ZNF185: variants seen among roughly 807,000 people sequenced by gnomAD.
ZNF185 encodes the protein zinc finger protein 185.
A neutral mutation model predicts 58.6 loss-of-function variants in ZNF185; 56 were observed. The observed-to-expected ratio is 0.95, with a 90% CI of 0.77 to 1.19. The LOEUF (loss-of-function observed/expected upper bound fraction) is 1.19. Ranked by LOEUF, ZNF185 falls within the 50% of genes most tolerant of loss-of-function variation. The probability of loss-of-function intolerance (pLI) is 0.00; values close to 1 mark genes in which losing one functional copy is unlikely to be tolerated. For missense variants in ZNF185, 627 were observed against 573.5 expected (o/e 1.09, Z -0.95); for synonymous variants, 230 against 215.9 (o/e 1.07, Z -0.57).
At chrX:152,918,889 T>G in intron 6 of ZNF185, 94 bp from the exon 8 acceptor site, 1 of 624,441 alleles carries the variant, frequency 1.6e-6, no homozygotes. Flanking sequence ...AAGGCAGAGA[T>G]ATTGACTTGC....
intron 15 of ZNF185, among the ~76,000 whole-genome samples, chrX:152,940,011 G>C (rs1486244306): frequency 1.8e-5 from 2 of 110,820 alleles, no homozygotes; most frequent in African/African-American, 6.6e-5. Flanking sequence ...TCAAACTCCT[G>C]ACATCAAGCC....
chrX:152,936,073 G>A (rs1182285067), intron 14 of ZNF185, among the ~76,000 whole-genome samples: 5 of 112,384 alleles, frequency 4.4e-5, no homozygotes, highest in African/African-American at 1.6e-4. Flanking sequence ...TGGCATCTAT[G>A]AACTCATTTA....
chrX:152,916,047 T>C (rs1556865558), intron 3 of ZNF185, among the ~76,000 whole-genome samples: 1 of 110,764 alleles, frequency 9.0e-6, no homozygotes, highest in Non-Finnish European at 1.9e-5. Flanking sequence ...GATGCAGGAG[T>C]GGTCAAGACA....
the ZNF185 span, among the ~76,000 whole-genome samples, chrX:152,900,025 C>T: frequency 8.9e-6 from 1 of 111,894 alleles, no homozygotes; most frequent in African/African-American, 3.3e-5. Context: ...TTGTCCACCT[C>T]ACTTCCTGCT....
intron 20 of ZNF185, among the ~76,000 whole-genome samples, chrX:152,969,170 A>G (rs782548493): frequency 8.9e-6 from 1 of 112,157 alleles, no homozygotes; most frequent in Non-Finnish European, 1.9e-5. Flanking sequence ...AAAAAGATGC[A>G]TGACTAGTTT....
chrX:152,920,607 C>T (rs1002061372), intron 8 of ZNF185, 100 bp from the exon 10 acceptor site: 4 of 1,091,303 alleles, frequency 3.7e-6, no homozygotes, highest in African/African-American at 3.6e-5. Flanking sequence ...AGTGAAGTGC[C>T]GGGAATGGAG....
At chrX:152,922,925 A>C in intron 11 of ZNF185, 116 bp downstream of exon 12, 1 of 618,676 alleles carries the variant, frequency 1.6e-6, no homozygotes, top group Non-Finnish European at 2.5e-6. Flanking sequence ...GGGCAAGGAC[A>C]GGCTGAGCAC....
chrX:152,926,211 G>A (rs373405302), intron 11 of ZNF185, among the ~76,000 whole-genome samples: 2 of 112,339 alleles, frequency 1.8e-5, no homozygotes, highest in East Asian at 2.8e-4. Context: ...CCTTGAGCAA[G>A]TCTCTTCATC....
intron 14 of ZNF185, 60 bp from the exon 16 acceptor site, chrX:152,936,358 G>A: frequency 9.9e-7 from 1 of 1,012,400 alleles, no homozygotes; most frequent in Non-Finnish European, 1.4e-6. Flanking sequence ...TTTCTCGGGA[G>A]AGGGTAGACA....
chrX:152,900,298 C>G, the ZNF185 span, among the ~76,000 whole-genome samples: 2 of 113,110 alleles, frequency 1.8e-5, no homozygotes, highest in African/African-American at 6.4e-5. Context: ...CCAATTCTGG[C>G]TCGGTGCATT....
exon 16 of ZNF185, chrX:152,945,401 C>A (rs1556894033): frequency 4.1e-6 from 5 of 1,205,837 alleles, no homozygotes; most frequent in Non-Finnish European, 5.6e-6. Context: ...CCCAGCACCC[C>A]AGAGCGGCAG....
intron 14 of ZNF185, among the ~76,000 whole-genome samples, chrX:152,934,514 C>T (rs1457599962): frequency 8.9e-6 from 1 of 112,151 alleles, no homozygotes; most frequent in Non-Finnish European, 1.9e-5. Context: ...GTTGTCTTAC[C>T]TATATAGTAG....
At chrX:152,955,522 T>C (rs1489803733) in intron 16 of ZNF185, among the ~76,000 whole-genome samples, 2 of 112,818 alleles carry the variant, frequency 1.8e-5, no homozygotes, top group Non-Finnish European at 3.7e-5. Context: ...ACATTTAGCA[T>C]GAGCAACTCC....
the ZNF185 span, among the ~76,000 whole-genome samples, chrX:152,898,563 T>C: frequency 8.9e-6 from 1 of 111,915 alleles, no homozygotes; most frequent in South Asian, 3.7e-4. Flanking sequence ...GCTCTGAGAG[T>C]TGACTGCAGG....
At chrX:152,898,223 C>G in the ZNF185 span, among the ~76,000 whole-genome samples, 1 of 111,350 alleles carries the variant, frequency 9.0e-6, no homozygotes, top group Non-Finnish European at 1.9e-5. Context: ...CCCCACGAGC[C>G]GGGCACCGGT....
chrX:152,915,597 C>T (rs1396806321), intron 3 of ZNF185, among the ~76,000 whole-genome samples: 1 of 112,964 alleles, frequency 8.9e-6, no homozygotes, highest in Admixed American at 9.3e-5. Context: ...GTCACAGTGA[C>T]TCACTCCTGC....
the ZNF185 span, among the ~76,000 whole-genome samples, chrX:152,906,226 C>A: frequency 8.9e-6 from 1 of 112,489 alleles, no homozygotes; most frequent in African/African-American, 3.2e-5. Context: ...TGCCTGGGTC[C>A]GCCCATCTCT....
chrX:152,935,618 C>T (rs917511065), intron 14 of ZNF185, among the ~76,000 whole-genome samples: 10 of 112,343 alleles, frequency 8.9e-5, no homozygotes, highest in Non-Finnish European at 1.1e-4. Flanking sequence ...ACTTAATCAT[C>T]GAACTTAGTG....
At chrX:152,901,361 T>C in the ZNF185 span, among the ~76,000 whole-genome samples, 1 of 109,026 alleles carries the variant, frequency 9.2e-6, no homozygotes, top group East Asian at 2.9e-4. Flanking sequence ...CAAGCGATCC[T>C]CGTGCCTCAG....
Sources: allele counts gnomAD v4.1 joint callset (sites outside exome capture counted in the v4.1 genomes callset), GRCh38; gene constraint gnomAD v4.1.1; transcripts MANE v1.5; gene names NCBI Gene and HGNC (gene_info 2026-07-23, HGNC 2026-07-21).